DNAJC15: variants seen among roughly 807,000 people sequenced by gnomAD.
The protein encoded by DNAJC15 is dnaJ homolog subfamily C member 15.
Under a neutral mutation model 22.4 loss-of-function variants are expected in DNAJC15, and 27 were observed. The observed-to-expected ratio is 1.20, with a 90% confidence interval of 0.89 to 1.66. DNAJC15 has a LOEUF of 1.66. Ranked by LOEUF, DNAJC15 falls within the 40% of genes most tolerant of loss-of-function variation. The pLI, the probability that DNAJC15 is intolerant of heterozygous loss-of-function variation, is 0.00. For synonymous variants in DNAJC15, 79 were observed against 63.2 expected (o/e 1.25, Z -1.19); for missense variants, 208 against 187.1 (o/e 1.11, Z -0.65).
At chr13:43,073,396 G>A (rs1468300823) in intron 3 of DNAJC15, among the ~76,000 whole-genome samples, 1 of 152,158 alleles carries the variant, frequency 6.6e-6, no homozygotes, top group Non-Finnish European at 1.5e-5. Context: ...GGATCTGCTG[G>A]TATGCCTCTT....
chr13:43,058,135 T>C (rs1005915244), intron 1 of DNAJC15, among the ~76,000 whole-genome samples: 7 of 152,172 alleles, frequency 4.6e-5, no homozygotes, highest in African/African-American at 1.7e-4. Context: ...CTACAGGCAG[T>C]GGAAATAGCT....
In DNAJC15 at chr13:43,112,653, T is replaced by C. The variant is rs1176562772; in HGVS notation, c.*5405T>C. 3 of 152,228 alleles carry C rather than the reference T, an allele frequency of 2.0e-5. No individual in the cohort carries two copies. The highest frequency in any genetic ancestry group is 7.2e-5 in the African/African-American group (3 of 41,456). 9.4% of individuals were successfully genotyped at this position (152,228 alleles called of 1,614,324 possible). A position where few individuals can be genotyped will look rare whatever the true frequency, so the allele number is the denominator to read the frequency against. On this transcript the variant is annotated 3_prime_UTR_variant, in exon 6 of 6. Transcript: ENST00000379221. ...TCTACCTATGTTACCTTGATTTTCA[T>C]AGCCAGCCTAAGAGGTACTATTATG...
At chr13:43,076,662 A>G (rs536758356) in intron 3 of DNAJC15, among the ~76,000 whole-genome samples, 3 of 152,162 alleles carry the variant, frequency 2.0e-5, no homozygotes, top group African/African-American at 7.2e-5. Context: ...ATATATGTGT[A>G]TGTTTCCTCC....
chr13:43,092,854 C>T (rs902550196), intron 5 of DNAJC15, among the ~76,000 whole-genome samples: 11 of 152,228 alleles, frequency 7.2e-5, no homozygotes, highest in East Asian at 1.9e-4. Context: ...ATGGAGGCTA[C>T]GGTGAGCTAT....
intron 1 of DNAJC15, among the ~76,000 whole-genome samples, chr13:43,038,393 G>A (rs2040438074): frequency 6.6e-6 from 1 of 152,172 alleles, no homozygotes; most frequent in African/African-American, 2.4e-5. Context: ...ATGACAGATT[G>A]TCACATGGCC....
At chr13:43,046,593 C>T (rs984650471) in intron 1 of DNAJC15, among the ~76,000 whole-genome samples, 4 of 152,084 alleles carry the variant, frequency 2.6e-5, no homozygotes, top group East Asian at 1.9e-4. Flanking sequence ...AATCATATAT[C>T]GCCTGAGAGC....
intron 3 of DNAJC15, among the ~76,000 whole-genome samples, chr13:43,078,047 C>T (rs772535800): frequency 2.0e-5 from 3 of 152,200 alleles, no homozygotes; most frequent in Non-Finnish European, 2.9e-5. Flanking sequence ...ATTCTAAATT[C>T]CTTCCATTGT....
At position 43,114,026 on chromosome 13, in the gene DNAJC15, C is replaced by T. The variant is rs1332276949; in HGVS notation, c.*6778C>T. 6.6e-6 allele frequency: 1 copy of T among 152,132 alleles called. No individual in the cohort carries two copies. Among genetic ancestry groups the T allele is most frequent in the Non-Finnish European group, 1.5e-5 (1 of 68,020 alleles). The allele number at this position is 152,132 out of a possible 1,614,324, so 9.4% of individuals were successfully genotyped here. A position where few individuals can be genotyped will look rare whatever the true frequency, so the allele number is the denominator to read the frequency against. On this transcript the variant is annotated 3_prime_UTR_variant, in exon 6 of 6. Coordinates refer to ENST00000379221, the MANE Select transcript of DNAJC15 (RefSeq NM_013238.3). ...CATACTACATTCTTGTTTGGGCTTT[C>T]GTTTCTTCTTGTAAGCAGAGATTTT...
At chr13:43,048,730 A>G (rs2040489396) in intron 1 of DNAJC15, among the ~76,000 whole-genome samples, 1 of 152,210 alleles carries the variant, frequency 6.6e-6, no homozygotes, top group African/African-American at 2.4e-5. Context: ...GGCATTTGTA[A>G]CTGATTTCAT....
intron 3 of DNAJC15, 49 bp downstream of exon 3, chr13:43,069,052 A>G (rs1353357409): frequency 2.6e-6 from 4 of 1,542,608 alleles, no homozygotes; most frequent in Middle Eastern, 3.6e-4. Flanking sequence ...ATTTTTGTTC[A>G]TATGACATAT....
At chr13:43,100,279 C>T (rs1461304783) in intron 5 of DNAJC15, among the ~76,000 whole-genome samples, 1 of 144,696 alleles carries the variant, frequency 6.9e-6, no homozygotes, top group African/African-American at 2.5e-5. Context: ...ACAGTCATAG[C>T]TCACTGCAGC....
intron 5 of DNAJC15, among the ~76,000 whole-genome samples, chr13:43,094,304 G>C (rs1046241412): frequency 6.6e-6 from 1 of 152,144 alleles, no homozygotes; most frequent in African/African-American, 2.4e-5. Context: ...TATTTCTAAA[G>C]ATGTGGTCCC....
chr13:43,109,535 C>T lies in DNAJC15; in HGVS notation c.*2287C>T, dbSNP rs1378881862. The T allele has an allele frequency of 6.6e-6, 1 of 152,122 alleles. No individual in the cohort carries two copies. The highest frequency in any genetic ancestry group is 2.4e-5 in the African/African-American group (1 of 41,404). The allele number at this position is 152,122 out of a possible 1,614,324, so 9.4% of individuals were successfully genotyped here. On this transcript the variant is annotated 3_prime_UTR_variant, in exon 6 of 6. Transcript: ENST00000379221. ...CTTTATTCATGAGAATTTGAGTCAC[C>T]CCAGCATTAGCTTGGAATTTCCTTA...
In DNAJC15 at chr13:43,082,882, GTATATGTGTGTATA is replaced by G. The variant is rs2040669134; in HGVS notation, c.312-2874_312-2861del. On this transcript the variant is annotated intron_variant, in intron 4 of 5. Transcript: ENST00000379221. The stretch of plus-strand genomic sequence containing the variant: ...TATACACACATATATGTGCGTATGC[GTATATGTGTGTATA>G]TATATGTGTGTGTGTGTATATATAT... Among the ~76,000 whole-genome samples, 3 of 145,576 alleles carry G rather than the reference GTATATGTGTGTATA, an allele frequency of 2.1e-5. No individual in the cohort carries two copies. In the South Asian group the frequency reaches 6.5e-4, roughly 31 times the overall value.
intron 1 of DNAJC15, among the ~76,000 whole-genome samples, chr13:43,064,326 C>T (rs953101533): frequency 6.6e-6 from 1 of 152,200 alleles, no homozygotes; most frequent in Non-Finnish European, 1.5e-5. Flanking sequence ...CTTTGATTTC[C>T]TATGACTTGG....
At chr13:43,025,223 T>C (rs2040375347) in intron 1 of DNAJC15, among the ~76,000 whole-genome samples, 1 of 152,218 alleles carries the variant, frequency 6.6e-6, no homozygotes, top group Admixed American at 6.5e-5. Flanking sequence ...TAGTATTCAG[T>C]GTATGATACA....
At chr13:43,060,141 A>G (rs548120462) in intron 1 of DNAJC15, among the ~76,000 whole-genome samples, 2 of 152,232 alleles carry the variant, frequency 1.3e-5, no homozygotes, top group East Asian at 3.9e-4. Flanking sequence ...AAAACAAAAT[A>G]GTGAAGTGTT....
chr13:43,101,754 T>TG lies in DNAJC15; in HGVS notation c.383-5423dup, dbSNP rs1394679543. On this transcript the variant is annotated intron_variant, in intron 5 of 5. Coordinates refer to ENST00000379221, the MANE Select transcript of DNAJC15 (RefSeq NM_013238.3). ...CCAATTCCATCCAGATAGTTGCAAA[T>TG]GCCATTATTTTATTTCTTTTTATGG... Among the ~76,000 whole-genome samples the TG allele has an allele frequency of 9.8e-5, 15 of 152,360 alleles. No individual in the cohort carries two copies. The South Asian group carries it at 2.5e-3, about 25-fold the overall frequency.
chr13:43,086,464 G>A (rs1014610676), intron 5 of DNAJC15, among the ~76,000 whole-genome samples: 1 of 152,080 alleles, frequency 6.6e-6, no homozygotes, highest in Admixed American at 6.6e-5. Flanking sequence ...GAAGTCAAAG[G>A]GGGGTGGGGG....
Sources: allele counts gnomAD v4.1 joint callset (sites outside exome capture counted in the v4.1 genomes callset), GRCh38; gene constraint gnomAD v4.1.1; transcripts MANE v1.5; gene names NCBI Gene and HGNC (gene_info 2026-07-23, HGNC 2026-07-21).